LNX1: variants seen among roughly 807,000 people sequenced by gnomAD.
LNX1 encodes the protein E3 ubiquitin-protein ligase LNX.
A neutral mutation model predicts 68.4 loss-of-function variants in LNX1; 54 were observed. The ratio of observed to expected loss-of-function variants is 0.79; its 90% CI spans 0.63 to 0.99. The LOEUF (loss-of-function observed/expected upper bound fraction) is 0.99. LNX1 is among the 50% of genes least tolerant of loss of function. The pLI is 0.00. For missense variants in LNX1, 906 were observed against 926.4 expected (o/e 0.98, Z 0.29); for synonymous variants, 336 against 350.0 (o/e 0.96, Z 0.45).
chr4:53,558,565 A>G (rs748851486), intron 2 of LNX1, among the ~76,000 whole-genome samples: 19 of 152,252 alleles, frequency 1.2e-4, no homozygotes, highest in Non-Finnish European at 2.1e-4. Flanking sequence ...CTGCACTGAC[A>G]TATGAAAGAG....
intron 2 of LNX1, among the ~76,000 whole-genome samples, chr4:53,536,298 T>C (rs1441348971): frequency 1.3e-5 from 2 of 148,172 alleles, no homozygotes. Flanking sequence ...GCCACCTACC[T>C]CGCAGTGCGA....
At position 53,599,803 on chromosome 4, in the gene LNX1, C is replaced by A. The variant is rs151269186; in HGVS notation, c.-214-8288G>T. Among the ~76,000 whole-genome samples, 18 of 152,294 alleles carry A rather than the reference C, an allele frequency of 1.2e-4. No individual in the cohort carries two copies. In the East Asian group the frequency reaches 3.5e-3, roughly 29 times the overall value. ...TGTATGTCACCCGAGAAAACCTATA[C>A]CTCTTATAGCTTTAGAATTTGCACA... On this transcript the variant is annotated intron_variant, in intron 2 of 3. Coordinates refer to the LNX1 transcript ENST00000504299.
chr4:53,499,789 C>T (rs577179738), intron 4 of LNX1, among the ~76,000 whole-genome samples: 18 of 152,308 alleles, frequency 1.2e-4, no homozygotes, highest in African/African-American at 4.3e-4. Flanking sequence ...AGGCCTGATT[C>T]ATGATCAAGA....
At chr4:53,582,412 G>A (rs752493198) in intron 1 of LNX1, among the ~76,000 whole-genome samples, 8 of 152,168 alleles carry the variant, frequency 5.3e-5, no homozygotes, top group Non-Finnish European at 7.3e-5. Flanking sequence ...CAAAACGACC[G>A]GATCCTGTAA....
intron 1 of LNX1, among the ~76,000 whole-genome samples, chr4:53,651,802 A>C (rs1735109235): frequency 1.3e-5 from 2 of 152,228 alleles, no homozygotes; most frequent in Non-Finnish European, 2.9e-5. Flanking sequence ...GAATAATGTC[A>C]CATAAACCCA....
upstream of LNX1, among the ~76,000 whole-genome samples, chr4:53,594,858 C>T (rs571993149): frequency 7.2e-5 from 11 of 152,058 alleles, no homozygotes; most frequent in Admixed American, 5.2e-4. Context: ...ACCACAGGCA[C>T]GTGCCACCAT....
intron 2 of LNX1, among the ~76,000 whole-genome samples, chr4:53,609,598 TTA>T (rs1344738497): frequency 6.8e-6 from 1 of 146,266 alleles, no homozygotes; most frequent in Non-Finnish European, 1.5e-5. Flanking sequence ...TAATTATATA[TTA>T]TATGTTATAC....
At position 53,591,319 on chromosome 4, in the gene LNX1, C is replaced by T. The variant is rs1271591766; in HGVS notation, c.-87+69G>A. 2.2e-5 allele frequency: 20 copies of T among 902,950 alleles called. No individual in the cohort carries two copies. The East Asian group carries it at 2.0e-3, about 91-fold the overall frequency. The allele number at this position is 902,950 out of a possible 1,614,324, so 55.9% of individuals were successfully genotyped here. ...CAGCTTGTATTTTTTCATTCAAATT[C>T]CGTGTTCAGATCCCTCAGGGGCCAG... On this transcript the variant is annotated intron_variant, in intron 1 of 10. Transcript: ENST00000263925.
At chr4:53,496,645 C>T in intron 5 of LNX1, 3 of 410,004 alleles carry the variant, frequency 7.3e-6, no homozygotes, top group Non-Finnish European at 1.3e-5. Flanking sequence ...CCCAAGCCCA[C>T]ATATTTATTC....
intron 2 of LNX1, among the ~76,000 whole-genome samples, chr4:53,613,384 G>A (rs1195491050): frequency 6.6e-6 from 1 of 151,810 alleles, no homozygotes; most frequent in East Asian, 1.9e-4. Flanking sequence ...GGGTACCTGT[G>A]CAGGATGTGC....
chr4:53,536,182 A>G (rs900975080), intron 2 of LNX1, among the ~76,000 whole-genome samples: 13 of 152,212 alleles, frequency 8.5e-5, no homozygotes, highest in Non-Finnish European at 7.3e-5. Context: ...CCATTTCTAC[A>G]TAAACACAAT....
At chr4:53,494,984 G>C (rs1305316470) in intron 6 of LNX1, among the ~76,000 whole-genome samples, 1 of 152,156 alleles carries the variant, frequency 6.6e-6, no homozygotes, top group Non-Finnish European at 1.5e-5. Flanking sequence ...TTATTTCCAA[G>C]GGTTAAGGAG....
intron 2 of LNX1, chr4:53,522,895 CT>C (rs1727334328): frequency 1.3e-5 from 2 of 152,134 alleles, no homozygotes; most frequent in African/African-American, 4.8e-5. Flanking sequence ...TTCTTTCAAT[CT>C]TTTTTCTATG....
At chr4:53,566,501 C>G (rs1373704647) in intron 2 of LNX1, among the ~76,000 whole-genome samples, 1 of 150,250 alleles carries the variant, frequency 6.7e-6, no homozygotes, top group South Asian at 2.1e-4. Context: ...GAAGGAAGCG[C>G]TAAACATGGA....
chr4:53,593,702 T>G (rs1238723843), upstream of LNX1: 1 of 152,146 alleles, frequency 6.6e-6, no homozygotes, highest in Non-Finnish European at 1.5e-5. Context: ...GCTGTTACAT[T>G]ATCATGGAAA....
intron 2 of LNX1, among the ~76,000 whole-genome samples, chr4:53,527,166 C>T (rs1430897654): frequency 7.3e-5 from 11 of 151,420 alleles, no homozygotes; most frequent in Non-Finnish European, 1.3e-4. Flanking sequence ...GTTTTCTGTT[C>T]TCAGCACCAA....
intron 2 of LNX1, among the ~76,000 whole-genome samples, chr4:53,564,262 G>A (rs1730489321): frequency 6.6e-6 from 1 of 152,190 alleles, no homozygotes; most frequent in Non-Finnish European, 1.5e-5. Flanking sequence ...TCTGCTTCAG[G>A]CAGCTGAGGG....
intron 2 of LNX1, among the ~76,000 whole-genome samples, chr4:53,540,654 C>G (rs1728693442): frequency 6.6e-6 from 1 of 151,870 alleles, no homozygotes; most frequent in Admixed American, 6.6e-5. Flanking sequence ...TGCACTCCAG[C>G]CTGGGCAACA....
At chr4:53,650,159 A>G (rs537828654) in intron 1 of LNX1, among the ~76,000 whole-genome samples, 20 of 152,302 alleles carry the variant, frequency 1.3e-4, no homozygotes, top group Admixed American at 1.3e-3. Flanking sequence ...TATGGAGGAG[A>G]CAGCTTTGTC....
Sources: allele counts gnomAD v4.1 joint callset (sites outside exome capture counted in the v4.1 genomes callset), GRCh38; gene constraint gnomAD v4.1.1; transcripts MANE v1.5; gene names NCBI Gene and HGNC (gene_info 2026-07-23, HGNC 2026-07-21).